Variants in ZNF433 observed in about 807,000 individuals in gnomAD.
The protein encoded by ZNF433 is zinc finger protein 433.
ZNF433 carries 12 observed loss-of-function variants against 10.6 expected under a neutral mutation model. The observed-to-expected ratio is 1.13, with a 90% CI of 0.72 to 1.83. The LOEUF (loss-of-function observed/expected upper bound fraction) is 1.83, where lower values mean the gene tolerates loss of function less well. Ranked by LOEUF, ZNF433 falls within the 40% of genes most tolerant of loss-of-function variation. The pLI is 0.00. For synonymous variants in ZNF433, 272 were observed against 271.3 expected, an observed-to-expected ratio of 1.00 and a Z score of -0.02; for missense variants, 737 against 798.0, an observed-to-expected ratio of 0.92 and a Z score of 0.92.
intron 1 of ZNF433, 57 bp from the exon 2 acceptor site, chr19:12,018,349 C>A: frequency 6.4e-7 from 1 of 1,557,018 alleles, no homozygotes. Flanking sequence ...ACTGGGAAGC[C>A]TATACTCTAT....
In ZNF433 at chr19:12,031,304, A is replaced by AAC. The variant is rs1346760212; in HGVS notation, c.3+4232_3+4233insGT. 3.8e-5 allele frequency among the ~76,000 whole-genome samples: 5 copies of AAC among 132,112 alleles called. No homozygotes were observed. The South Asian group carries it at 8.5e-4, about 22-fold the overall frequency. The allele number at this position is 132,112 out of a possible 152,430, so 86.7% of individuals were successfully genotyped here. ...AGTGAGACTCCATCTCAAAAAAAAA[A>AAC]AAAAAACAAAACAAAAAAAAAAACA... On this transcript the variant is annotated intron_variant, in intron 1 of 3. Coordinates refer to ENST00000550507, the MANE Select transcript of ZNF433 (RefSeq NM_001308348.2).
At chr19:12,029,296 C>T (rs536222755) in intron 1 of ZNF433, among the ~76,000 whole-genome samples, 17 of 151,522 alleles carry the variant, frequency 1.1e-4, no homozygotes, top group Non-Finnish European at 1.8e-4. Flanking sequence ...TGGAGGTGGG[C>T]GCATCACCTG....
rs747545876 is a variant in ZNF433 at position 12,016,697 on chromosome 19, G to C, written c.192-31C>G. 3.1e-6 allele frequency: 5 copies of C among 1,589,896 alleles called. No individual in the cohort carries two copies. The South Asian group carries it at 5.8e-5, about 18-fold the overall frequency. On this transcript the variant is annotated intron_variant, in intron 3 of 3. Coordinates refer to ENST00000550507, the MANE Select transcript of ZNF433 (RefSeq NM_001308348.2). ...AACAATAAGAAGTACATTATAATGG[G>C]TTTGATTATCAGTGATTTTATATTC...
intron 1 of ZNF433, chr19:12,022,146 G>A: frequency 2.2e-5 from 9 of 415,666 alleles, no homozygotes; most frequent in South Asian, 1.5e-4. Context: ...TGAAGGCAGG[G>A]AACACCTGGC....
intron 1 of ZNF433, among the ~76,000 whole-genome samples, chr19:12,021,446 A>C (rs1203030835): frequency 1.3e-5 from 2 of 152,330 alleles, no homozygotes; most frequent in Middle Eastern, 3.4e-3. Flanking sequence ...TCCCTCACTC[A>C]TGATAATCCA....
chr19:12,015,442 C>T lies in ZNF433; in HGVS notation c.1416G>A (p.Glu472=). The T allele has an allele frequency of 6.2e-7, 1 of 1,614,046 alleles. No homozygotes were observed. The highest frequency in any genetic ancestry group is 8.5e-7 in the Non-Finnish European group (1 of 1,179,940). The change falls in exon 4 of 4, where the codon GAG becomes GAA. Residue 472 remains glutamate, a synonymous_variant. Transcript: ENST00000550507. ...CATAACCCTTACATTCATACGGCTTCTCTTCTCTGTGCATCCTTTCATGTA... is the reference window on the plus strand; with the variant it reads ...CATAACCCTTACATTCATACGGCTTTTCTTCTCTGTGCATCCTTTCATGTA... ...FQIHERMHRE[E]KPYECKGYGK...
chr19:12,015,850 T>C lies in ZNF433; in HGVS notation c.1008A>G (p.Glu336=). Residue 336 remains glutamate (E), a synonymous_variant, in exon 4 of 4, where the codon GAA becomes GAG. Transcript: ENST00000550507. The part of the protein sequence containing the change: ...ERTHSRKKPY[E]CKHCGKVLSY... Reference sequence around the variant, plus strand: ...ATAATACTTTCCCACAATGTTTACATTCATAGGGTTTTTTCCTAGAGTGGG... The same window carrying C: ...ATAATACTTTCCCACAATGTTTACACTCATAGGGTTTTTTCCTAGAGTGGG... 2.5e-6 allele frequency: 4 copies of C among 1,614,058 alleles called. No homozygotes were observed. Among genetic ancestry groups the C allele is most frequent in the Non-Finnish European group, 3.4e-6 (4 of 1,179,990 alleles).
rs1375730393 is a variant in ZNF433, at chr19:12,015,489, T to C, written c.1369A>G (p.Ser457Gly). 3 of 1,613,476 alleles carry C rather than the reference T, an allele frequency of 1.9e-6. No individual in the cohort carries two copies. Among genetic ancestry groups the C allele is most frequent in the Admixed American group, 3.3e-5 (2 of 59,952 alleles). ...YACKECGKPF[S>G]NFSFFQIHER... ...TGTATTTGAAAGAAAGAGAAATTAC[T>C]AAATGGTTTTCCACATTCCTTACAT... The change falls in exon 4 of 4, where the codon AGT (serine) becomes GGT (glycine). Residue 457 changes from serine (S) to glycine (G), a missense_variant. Transcript: ENST00000550507.
chr19:12,017,321 G>A lies in ZNF433; in HGVS notation c.191+555C>T, dbSNP rs562141476. 6.5e-3 allele frequency among the ~76,000 whole-genome samples: 978 copies of A among 151,568 alleles called. 16 individuals are homozygous for A. Among genetic ancestry groups the A allele is most frequent in the African/African-American group, 0.023 (935 of 41,298 alleles). On this transcript the variant is annotated intron_variant, in intron 3 of 3. Transcript: ENST00000550507. ...GGGTTCAAGCGATTCTCCTGCCTCA[G>A]CCTCCCAGGTAGCTGGGATAACAGG...
intron 1 of ZNF433, among the ~76,000 whole-genome samples, chr19:12,021,702 GA>G (rs1974502004): frequency 6.6e-6 from 1 of 152,096 alleles, no homozygotes; most frequent in Non-Finnish European, 1.5e-5. Context: ...CTTTATAAGA[GA>G]TAGGGACTTA....
At chr19:12,035,075 CTAAT>C (rs1359445391) in intron 1 of ZNF433, among the ~76,000 whole-genome samples, 1 of 152,188 alleles carries the variant, frequency 6.6e-6, no homozygotes, top group Non-Finnish European at 1.5e-5. Context: ...CAAAGGAACT[CTAAT>C]TATTAATATA....
chr19:12,028,801 C>G (rs914627010), intron 1 of ZNF433, among the ~76,000 whole-genome samples: 4 of 152,184 alleles, frequency 2.6e-5, no homozygotes, highest in African/African-American at 9.7e-5. Flanking sequence ...CAGGCTCAAG[C>G]TATCCCTACC....
At chr19:12,018,429 T>C in intron 1 of ZNF433, 137 bp from the exon 2 acceptor site, 1 of 985,360 alleles carries the variant, frequency 1.0e-6, no homozygotes, top group Non-Finnish European at 1.4e-6. Flanking sequence ...TCATACTCTC[T>C]GTCTACACTC....
chr19:12,020,469 A>T, intron 1 of ZNF433, among the ~76,000 whole-genome samples: 1 of 152,336 alleles, frequency 6.6e-6, no homozygotes, highest in East Asian at 1.9e-4. Flanking sequence ...TTTTAAATAT[A>T]GCCATTTATT....
At chr19:12,017,813 A>C (rs1974283811) in intron 3 of ZNF433, 63 bp downstream of exon 3, 3 of 980,150 alleles carry the variant, frequency 3.1e-6, no homozygotes, top group Non-Finnish European at 4.5e-6. Context: ...TTTTTTTTTA[A>C]CATTTTCTCC....
chr19:12,021,845 C>T, intron 1 of ZNF433: 1 of 418,942 alleles, frequency 2.4e-6, no homozygotes. Flanking sequence ...CTGAAGACCA[C>T]TCCCTGCTGT....
intron 1 of ZNF433, among the ~76,000 whole-genome samples, chr19:12,030,379 C>T (rs1269343947): frequency 2.0e-5 from 3 of 151,992 alleles, no homozygotes; most frequent in African/African-American, 7.2e-5. Context: ...CATCACCAAG[C>T]CCAGCTAATT....
At chr19:12,033,034 G>A (rs1306290450) in intron 1 of ZNF433, among the ~76,000 whole-genome samples, 2 of 151,706 alleles carry the variant, frequency 1.3e-5, no homozygotes, top group Non-Finnish European at 2.9e-5. Context: ...GAAGTGCTGA[G>A]TGACTATTTT....
intron 1 of ZNF433, among the ~76,000 whole-genome samples, chr19:12,030,549 A>C (rs1413694466): frequency 6.6e-6 from 1 of 152,160 alleles, no homozygotes; most frequent in Non-Finnish European, 1.5e-5. Context: ...CACCCGGTTT[A>C]TGGGAATTTG....
Sources: allele counts gnomAD v4.1 joint callset (sites outside exome capture counted in the v4.1 genomes callset), GRCh38; gene constraint gnomAD v4.1.1; transcripts MANE v1.5; gene names NCBI Gene and HGNC (gene_info 2026-07-23, HGNC 2026-07-21).